PREX2: variants seen among roughly 807,000 people sequenced by gnomAD.
PREX2 encodes the protein phosphatidylinositol 3,4,5-trisphosphate-dependent Rac exchanger 2 protein.
A neutral mutation model predicts 203.2 loss-of-function variants in PREX2; 107 were observed. The observed-to-expected ratio is 0.53, with a 90% CI of 0.45 to 0.62. PREX2 has a LOEUF of 0.62. PREX2 is among the 20% of genes least tolerant of loss of function. The pLI is 0.00. For missense variants in PREX2, 1,777 were observed against 1,955.9 expected, an observed-to-expected ratio of 0.91 and a Z score of 1.72; for synonymous variants, 672 against 663.6, an observed-to-expected ratio of 1.01 and a Z score of -0.19.
rs61753702 is a variant in PREX2, at chr8:68,120,977, A to G, written c.3652A>G (p.Ile1218Val). The change falls in exon 30 of 40, where the codon ATC becomes GTC. Residue 1218 changes from isoleucine (I) to valine (V), a missense_variant. Coordinates refer to ENST00000288368, the MANE Select transcript of PREX2 (RefSeq NM_024870.4). ...LSCPKRLRLH[I>V]KQDPWNLPSS... ...TTGTCCAAAAAGGCTACGGCTTCAT[A>G]TCAAGCAAGATCCTTGGAATCTTCC... 0.01 allele frequency: 16,484 copies of G among 1,613,734 alleles called. 841 individuals are homozygous for G. In the African/African-American group the frequency reaches 0.14, roughly 14 times the overall value.
intron 8 of PREX2, among the ~76,000 whole-genome samples, chr8:68,047,498 TATATATATAC>T (rs1358872881): frequency 3.0e-5 from 2 of 67,428 alleles, no homozygotes; most frequent in African/African-American, 9.1e-5. Flanking sequence ...TATATATATA[TATATATATAC>T]ACATACATAT....
At chr8:68,212,081 T>C (rs1050270898) in intron 37 of PREX2, among the ~76,000 whole-genome samples, 8 of 152,182 alleles carry the variant, frequency 5.3e-5, no homozygotes, top group African/African-American at 1.9e-4. Flanking sequence ...AGGCTCTGCA[T>C]GTTTGAGCCC....
At chr8:68,113,664 C>T (rs1191442408) in intron 25 of PREX2, among the ~76,000 whole-genome samples, 1 of 152,138 alleles carries the variant, frequency 6.6e-6, no homozygotes, top group African/African-American at 2.4e-5. Flanking sequence ...CAAATCTCAC[C>T]TCGCTGTGAG....
intron 28 of PREX2, among the ~76,000 whole-genome samples, chr8:68,119,959 C>T (rs958419463): frequency 1.1e-4 from 16 of 151,978 alleles, no homozygotes; most frequent in African/African-American, 3.9e-4. Context: ...ATTCCAATAA[C>T]TTATACAGTA....
chr8:68,035,737 C>T (rs1224871909), intron 6 of PREX2, among the ~76,000 whole-genome samples: 1 of 152,162 alleles, frequency 6.6e-6, no homozygotes, highest in East Asian at 1.9e-4. Context: ...GAAGATATTT[C>T]ATGCCATGAT....
In PREX2 at chr8:68,023,988, C is replaced by T. The variant is rs373601665; in HGVS notation, c.441+1848C>T. 3.9e-5 allele frequency among the ~76,000 whole-genome samples: 6 copies of T among 152,056 alleles called. No individual in the cohort carries two copies. The East Asian group carries it at 5.8e-4, about 15-fold the overall frequency. ...TCTTGCCTTATTGCACTGGCTAGAA[C>T]CTTCAGTATAGTGTTGAATAAAAGT... On this transcript the variant is annotated intron_variant, in intron 4 of 39. Coordinates refer to ENST00000288368, the MANE Select transcript of PREX2 (RefSeq NM_024870.4).
intron 1 of PREX2, among the ~76,000 whole-genome samples, chr8:67,994,566 G>GA (rs943754815): frequency 3.3e-5 from 5 of 151,900 alleles, no homozygotes; most frequent in Non-Finnish European, 7.4e-5. Context: ...ACAATTGTTG[G>GA]AAAAAAATGA....
At chr8:68,086,324 T>C (rs1452942834) in intron 18 of PREX2, among the ~76,000 whole-genome samples, 4 of 152,208 alleles carry the variant, frequency 2.6e-5, no homozygotes, top group Non-Finnish European at 5.9e-5. Flanking sequence ...GGCCTAAATG[T>C]AGCCTATGGC....
chr8:68,129,043 A>G (rs1412203678), intron 31 of PREX2, among the ~76,000 whole-genome samples: 2 of 152,126 alleles, frequency 1.3e-5, no homozygotes, highest in African/African-American at 4.8e-5. Flanking sequence ...ATTTTCTTGG[A>G]TTTCACTGGA....
chr8:68,229,220 G>T (rs1169555411), intron 39 of PREX2, among the ~76,000 whole-genome samples: 2 of 152,170 alleles, frequency 1.3e-5, no homozygotes, highest in Non-Finnish European at 2.9e-5. Flanking sequence ...ATTTGGTCAG[G>T]AAATTTGGGC....
intron 8 of PREX2, among the ~76,000 whole-genome samples, chr8:68,049,721 A>G (rs891688426): frequency 1.3e-5 from 2 of 152,132 alleles, no homozygotes; most frequent in African/African-American, 2.4e-5. Context: ...GAAACTTGGA[A>G]ATTCCTGCGT....
chr8:68,156,190 A>G (rs1811540674), intron 34 of PREX2, among the ~76,000 whole-genome samples: 1 of 152,190 alleles, frequency 6.6e-6, no homozygotes, highest in African/African-American at 2.4e-5. Flanking sequence ...CCTCCTGAGT[A>G]ACTAGGACTA....
chr8:68,062,764 A>G (rs762578101), intron 11 of PREX2, among the ~76,000 whole-genome samples: 5 of 151,750 alleles, frequency 3.3e-5, no homozygotes, highest in Non-Finnish European at 7.4e-5. Context: ...TTACTTTGAA[A>G]TCTTTCTTCA....
chr8:68,058,690 C>T (rs904659457), intron 10 of PREX2, among the ~76,000 whole-genome samples: 2 of 152,230 alleles, frequency 1.3e-5, no homozygotes, highest in Middle Eastern at 3.4e-3. Context: ...CTGCCTCCGC[C>T]TCCCAAAATG....
chr8:68,119,567 C>G, intron 28 of PREX2, 53 bp downstream of exon 28: 1 of 1,325,750 alleles, frequency 7.5e-7, no homozygotes, highest in Non-Finnish European at 1.1e-6. Flanking sequence ...TGTGAGGAGT[C>G]CCTTTTTCAT....
At chr8:68,150,912 C>T (rs1272392570) in intron 34 of PREX2, among the ~76,000 whole-genome samples, 1 of 152,166 alleles carries the variant, frequency 6.6e-6, no homozygotes, top group Admixed American at 6.5e-5. Context: ...TTGGTGTCTT[C>T]CAGCAGTCCT....
intron 1 of PREX2, among the ~76,000 whole-genome samples, chr8:68,011,306 T>G (rs1220756783): frequency 1.3e-5 from 2 of 152,038 alleles, no homozygotes; most frequent in East Asian, 3.9e-4. Flanking sequence ...TCTGGAATGA[T>G]CAGTATTAAA....
chr8:68,029,863 CA>C (rs895473928), intron 5 of PREX2, among the ~76,000 whole-genome samples: 35 of 151,868 alleles, frequency 2.3e-4, no homozygotes, highest in African/African-American at 8.2e-4. Flanking sequence ...CCCTAAATAC[CA>C]AAAACAAAAA....
At chr8:68,194,009 C>G (rs952329859) in intron 37 of PREX2, among the ~76,000 whole-genome samples, 2 of 152,172 alleles carry the variant, frequency 1.3e-5, no homozygotes, top group Non-Finnish European at 2.9e-5. Context: ...TTGCTGTGTA[C>G]TTTGCTCTCT....
Sources: allele counts gnomAD v4.1 joint callset (sites outside exome capture counted in the v4.1 genomes callset), GRCh38; gene constraint gnomAD v4.1.1; transcripts MANE v1.5; gene names NCBI Gene and HGNC (gene_info 2026-07-23, HGNC 2026-07-21).